Variants in ADGRL1 observed in about 807,000 individuals in gnomAD.
ADGRL1 encodes CIRL-1.
ADGRL1 carries 31 observed loss-of-function variants against 148.9 expected under a neutral mutation model. The ratio of observed to expected loss-of-function variants is 0.21; its 90% CI spans 0.16 to 0.28. The LOEUF is 0.28. Among genes scored for constraint, ADGRL1 ranks in the 10% least tolerant of loss-of-function variants. ADGRL1 has a pLI of 1.00. For synonymous variants in ADGRL1, 937 were observed against 900.3 expected (o/e 1.04, Z -0.73); for missense variants, 1,521 against 2,058.8 (o/e 0.74, Z 5.05).
In ADGRL1 at chr19:14,156,126, G is replaced by A. The variant is rs1395683591; in HGVS notation, c.3109C>T (p.Arg1037Cys). The A allele has an allele frequency of 5.6e-6, 9 of 1,612,068 alleles. No individual in the cohort carries two copies. Among genetic ancestry groups the A allele is most frequent in the East Asian group, 2.2e-5 (1 of 44,822 alleles). Residue 1037 changes from arginine (R) to cysteine (C), a missense_variant, in exon 17 of 23, where the codon CGC becomes TGC. Around this residue, in one of 8 missense-constraint regions of ADGRL1, gnomAD observed 185 missense variants for 251.7 expected, o/e 0.74. Transcript: ENST00000361434. ...SSSVLKPDSS[R>C]LDNIKSWALG... Reference sequence around the variant, plus strand: ...GAGGCTCACTTAATGTTGTCCAGGCGGCTGGAGTCGGGCTTGAGCACAGAT... The same window carrying A: ...GAGGCTCACTTAATGTTGTCCAGGCAGCTGGAGTCGGGCTTGAGCACAGAT...
chr19:14,151,726 C>T, intron 22 of ADGRL1, 111 bp from the exon 23 acceptor site: 1 of 1,078,220 alleles, frequency 9.3e-7, no homozygotes, highest in Non-Finnish European at 1.3e-6. Flanking sequence ...TGCTGGTTTT[C>T]CGTAGGCTTC....
Position 14,156,670 on chromosome 19 carries a change from G to T in ADGRL1, c.3021C>A (p.Ser1007=), listed in dbSNP as rs1414302687. The T allele has an allele frequency of 6.2e-7, 1 of 1,611,484 alleles. No homozygotes were observed. Among genetic ancestry groups the T allele is most frequent in the Non-Finnish European group, 8.5e-7 (1 of 1,179,114 alleles). ...YFIWSFIGPV[S]FVIVVNLVFL... ...CCTCCCAACTCACCACGATAACGAA[G>T]GAGACTGGCCCGATGAAACTCCAGA... Residue 1007 remains serine, a synonymous_variant, in exon 16 of 23, where the codon TCC becomes TCA. Coordinates refer to ENST00000361434, the MANE Select transcript of ADGRL1 (RefSeq NM_014921.5).
Position 14,160,077 on chromosome 19 carries a change from C to G in ADGRL1, c.1800+35G>C. 6.5e-7 allele frequency: 1 copy of G among 1,547,950 alleles called. No individual in the cohort carries two copies. Among genetic ancestry groups the G allele is most frequent in the Non-Finnish European group, 8.8e-7 (1 of 1,141,326 alleles). On this transcript the variant is annotated intron_variant, in intron 8 of 22. Coordinates refer to ENST00000361434, the MANE Select transcript of ADGRL1 (RefSeq NM_014921.5). The surrounding 1 kb of genome is among the most constrained non-coding windows in gnomAD (Gnocchi z 5.9). ...CCAAGCCCCTGGGGGCAGGCGCCCT[C>G]CCCATACCAGGTCAGCGCCACCGCC... is the stretch of plus-strand genomic sequence containing the variant.
In ADGRL1 at chr19:14,151,245, C is replaced by A. The variant is rs771522355; in HGVS notation, c.4038G>T (p.Ser1346=). 1.2e-6 allele frequency: 2 copies of A among 1,611,968 alleles called. No individual in the cohort carries two copies. Among genetic ancestry groups the A allele is most frequent in the Admixed American group, 1.7e-5 (1 of 59,984 alleles). The change falls in exon 23 of 23, where the codon TCG becomes TCT. Residue 1346 remains serine, a synonymous_variant. Coordinates refer to ENST00000361434, the MANE Select transcript of ADGRL1 (RefSeq NM_014921.5). ...CGTCCAGATCGCTCTGGTACAGCAC[C>A]GACTGGGCCCGGGGCAGCAGCAGAG... is the stretch of plus-strand genomic sequence containing the variant. ...EEPLLLPRAQ[S]VLYQSDLDES...
chr19:14,153,549 G>C (rs1423707057), intron 18 of ADGRL1, among the ~76,000 whole-genome samples: 1 of 150,652 alleles, frequency 6.6e-6, no homozygotes, highest in Non-Finnish European at 1.5e-5. Context: ...CTGAGTAGCT[G>C]GGATTACAGG....
chr19:14,158,202 G>A (rs998318598), intron 12 of ADGRL1, 136 bp downstream of exon 12: 1 of 1,222,932 alleles, frequency 8.2e-7, no homozygotes, highest in Non-Finnish European at 1.2e-6. Context: ...GAGCTCTGGG[G>A]ACAAATGGCC....
At position 14,160,768 on chromosome 19, in the gene ADGRL1, G is replaced by A; in HGVS notation, c.1511-72C>T. 3.5e-6 allele frequency: 3 copies of A among 861,056 alleles called. No individual in the cohort carries two copies. The highest frequency in any genetic ancestry group is 5.9e-6 in the Non-Finnish European group (3 of 508,956). The allele number at this position is 861,056 out of a possible 1,614,324, so 53.3% of individuals were successfully genotyped here. On this transcript the variant is annotated intron_variant, in intron 6 of 22. Coordinates refer to ENST00000361434, the MANE Select transcript of ADGRL1 (RefSeq NM_014921.5). The surrounding 1 kb of genome is among the most constrained non-coding windows in gnomAD (Gnocchi z 5.9). ...AAGAGAAGGATGGGACAGAGAGGGG[G>A]AAAGGAGATGACAGAGAGTGGGGGA...
In ADGRL1 at chr19:14,161,249, T is replaced by C. The variant is rs1969337082; in HGVS notation, c.1510+63A>G. 1.4e-6 allele frequency: 2 copies of C among 1,430,080 alleles called. No individual in the cohort carries two copies. The highest frequency in any genetic ancestry group is 1.5e-5 in the African/African-American group (1 of 68,744). 88.6% of individuals were successfully genotyped at this position (1,430,080 alleles called of 1,614,324 possible). Reference sequence around the variant, plus strand: ...GTAGAGACCCCCACCCACACATGCATCTGTGCTAAGCTGCTGGGGGCATGG... The same window carrying C: ...GTAGAGACCCCCACCCACACATGCACCTGTGCTAAGCTGCTGGGGGCATGG... On this transcript the variant is annotated intron_variant, in intron 6 of 22. Transcript: ENST00000361434. This position sits in a 1 kb window ranked among gnomAD's most constrained non-coding sequence, Gnocchi z 4.4.
chr19:14,156,078 T>C, intron 17 of ADGRL1, 32 bp downstream of exon 17: 1 of 1,103,284 alleles, frequency 9.1e-7, no homozygotes, highest in Non-Finnish European at 1.2e-6. Flanking sequence ...GGGTGGGTGA[T>C]GGGGCAGGGG....
chr19:14,166,562 CAGAGAGAGAGAGAGAGAGAAAGAG>C (rs1235849139), intron 4 of ADGRL1, among the ~76,000 whole-genome samples: 1 of 148,076 alleles, frequency 6.8e-6, no homozygotes, highest in Non-Finnish European at 1.5e-5. Flanking sequence ...AGGGGAGAGA[CAGAGAGAGAGAGAGAGAGAAAGAG>C]AGAGAGAGAG....
rs1969422346 is a variant in ADGRL1 at position 14,161,837 on chromosome 19, A to G, written c.1196-211T>C. Among the ~76,000 whole-genome samples the G allele has an allele frequency of 6.6e-6, 1 of 152,166 alleles. No homozygotes were observed. The highest frequency in any genetic ancestry group is 2.4e-5 in the African/African-American group (1 of 41,432). ...CCCATGGGCCCATATAAAGTAGCAA[A>G]GAGTGGTAAAAATCCACGATGTGTA... On this transcript the variant is annotated intron_variant, in intron 5 of 22. Transcript: ENST00000361434. This position sits in a 1 kb window ranked among gnomAD's most constrained non-coding sequence, Gnocchi z 4.4.
rs781080283 is a variant in ADGRL1, at chr19:14,180,134, G to A, written c.71-2390C>T. 3.3e-5 allele frequency among the ~76,000 whole-genome samples: 5 copies of A among 152,258 alleles called. No individual in the cohort carries two copies. The East Asian group carries it at 9.7e-4, about 29-fold the overall frequency. On this transcript the variant is annotated intron_variant, in intron 2 of 22. Coordinates refer to ENST00000361434, the MANE Select transcript of ADGRL1 (RefSeq NM_014921.5). Reference sequence around the variant, plus strand: ...GCCTCTATGGTTGGCAGTACACCATGTGTGTTGTCACACATTGTTGCCGGG... The same window carrying A: ...GCCTCTATGGTTGGCAGTACACCATATGTGTTGTCACACATTGTTGCCGGG...
intron 1 of ADGRL1, among the ~76,000 whole-genome samples, chr19:14,188,995 AC>A (rs1971761788): frequency 6.6e-6 from 1 of 151,204 alleles, no homozygotes; most frequent in Admixed American, 6.6e-5. Context: ...CAAGTGATCC[AC>A]CCGCCTCGGC....
intron 1 of ADGRL1, among the ~76,000 whole-genome samples, chr19:14,190,068 C>T (rs1427646043): frequency 5.3e-5 from 8 of 152,070 alleles, no homozygotes; most frequent in Non-Finnish European, 1.2e-4. Context: ...GCCGGGGCTA[C>T]GGGTGGGCAC....
chr19:14,152,808 G>A lies in ADGRL1; in HGVS notation c.3399C>T (p.Asn1133=). The A allele has an allele frequency of 2.5e-6, 4 of 1,614,192 alleles. No individual in the cohort carries two copies. The highest frequency in any genetic ancestry group is 1.3e-5 in the African/African-American group (1 of 75,054). ...GSLKTSAMRS[N]TRYYTGTQSR... is the part of the protein sequence containing the mutation. ...CCTGGGTCCCTGTGTAGTAGCGGGTGTTGCTTCGCATGGCTGAGGTCTTGA... is the reference window on the plus strand; with the variant it reads ...CCTGGGTCCCTGTGTAGTAGCGGGTATTGCTTCGCATGGCTGAGGTCTTGA... Residue 1133 remains asparagine, a synonymous_variant, in exon 19 of 23, where the codon AAC becomes AAT. Coordinates refer to ENST00000361434, the MANE Select transcript of ADGRL1 (RefSeq NM_014921.5). The surrounding 1 kb of genome is among the most constrained non-coding windows in gnomAD (Gnocchi z 6.1).
rs372143237 is a variant in ADGRL1, at chr19:14,156,778, C to T, written c.2967-54G>A. On this transcript the variant is annotated intron_variant, in intron 15 of 22. Transcript: ENST00000361434. ...AGAGAAGCCGAGGAGCCATTCCCAG[C>T]GACTCATGAAGGCCTAGGACTCTGC... 1.7e-3 allele frequency: 2,627 copies of T among 1,563,116 alleles called. 6 individuals carry two copies. Among genetic ancestry groups the T allele is most frequent in the Non-Finnish European group, 2.1e-3 (2,411 of 1,146,772 alleles).
chr19:14,166,441 C>T (rs907704076), intron 4 of ADGRL1, among the ~76,000 whole-genome samples: 30 of 151,910 alleles, frequency 2.0e-4, no homozygotes, highest in Non-Finnish European at 2.2e-4. Flanking sequence ...ACCAGGAGCC[C>T]GAGACATAGG....
rs1445557543 is a variant in ADGRL1 at position 14,174,534 on chromosome 19, C to CTTTTTTTTTTT, written c.284+2996_284+2997insAAAAAAAAAAA. ...GACCCGCTCCTCCCCTGGTAACACA[C>CTTTTTTTTTTT]ATTTTTTTTTTTTTTTTTTGAGACA... On this transcript the variant is annotated intron_variant, in intron 3 of 22. Coordinates refer to ENST00000361434, the MANE Select transcript of ADGRL1 (RefSeq NM_014921.5). 1.4e-5 allele frequency among the ~76,000 whole-genome samples: 2 copies of CTTTTTTTTTTT among 142,568 alleles called. 1 individual carries two copies. The highest frequency in any genetic ancestry group is 3.1e-5 in the Non-Finnish European group (2 of 64,602). 93.5% of individuals were successfully genotyped at this position (142,568 alleles called of 152,430 possible).
chr19:14,193,070 C>T (rs958873903), intron 1 of ADGRL1, among the ~76,000 whole-genome samples: 13 of 151,986 alleles, frequency 8.6e-5, no homozygotes, highest in Non-Finnish European at 1.8e-4. Context: ...AGGCAGGGTG[C>T]CATTGCCTTA....
Sources: allele counts gnomAD v4.1 joint callset (sites outside exome capture counted in the v4.1 genomes callset), GRCh38; gene constraint gnomAD v4.1.1; regional missense constraint gnomAD v4.1.1; non-coding constraint Gnocchi (gnomAD v3.1); transcripts MANE v1.5; gene names NCBI Gene and HGNC (gene_info 2026-07-23, HGNC 2026-07-21).